NRXN1: variants seen among roughly 807,000 people sequenced by gnomAD.
The protein encoded by NRXN1 is neurexin 1.
Under a neutral mutation model 150.9 loss-of-function variants are expected in NRXN1, and 39 were observed. The observed-to-expected ratio is 0.26, with a 90% confidence interval of 0.20 to 0.34. NRXN1 has a LOEUF of 0.34. Among genes scored for constraint, NRXN1 ranks in the 10% least tolerant of loss-of-function variants. The pLI, the probability that NRXN1 is intolerant of heterozygous loss-of-function variation, is 1.00. For missense variants in NRXN1, 1,815 were observed against 1,949.9 expected (o/e 0.93, Z 1.30); for synonymous variants, 924 against 757.0 (o/e 1.22, Z -3.62).
At chr2:49,922,997 A>ATAGAT (rs944709374) in intron 22 of NRXN1, among the ~76,000 whole-genome samples, 15 of 152,166 alleles carry the variant, frequency 9.9e-5, no homozygotes, top group African/African-American at 3.4e-4. Context: ...GAACTACCTA[A>ATAGAT]TAGATTAGAT....
chr2:50,974,160 T>A (rs1316376155), intron 2 of NRXN1, among the ~76,000 whole-genome samples: 1 of 152,164 alleles, frequency 6.6e-6, no homozygotes, highest in Non-Finnish European at 1.5e-5. Context: ...AAACTGCCAT[T>A]TTTTCTCATG....
chr2:50,320,680 A>G (rs1213947500), intron 17 of NRXN1, among the ~76,000 whole-genome samples: 4 of 151,962 alleles, frequency 2.6e-5, no homozygotes, highest in Admixed American at 6.6e-5. Flanking sequence ...TATTTCTGGC[A>G]TTGGAAATCG....
Position 50,623,308 on chromosome 2 carries a change from T to C in NRXN1, c.1134+6A>G, listed in dbSNP as rs758040452. ...CCAGTTACTCTCTTATCCACTGCGC[T>C]GTTACCTGACGCAGATTCCTGGTGA... On this transcript the variant is annotated splice_donor_region_variant and intron_variant, in intron 6 of 22. Coordinates refer to ENST00000401669, the MANE Select transcript of NRXN1 (RefSeq NM_001330078.2). 7 of 1,610,508 alleles carry C rather than the reference T, an allele frequency of 4.3e-6. 1 individual carries two copies. Among genetic ancestry groups the C allele is most frequent in the African/African-American group, 1.3e-5 (1 of 74,812 alleles).
chr2:49,975,896 T>A (rs1296080172), intron 21 of NRXN1, among the ~76,000 whole-genome samples: 1 of 152,120 alleles, frequency 6.6e-6, no homozygotes, highest in African/African-American at 2.4e-5. Context: ...TGTCCTTATA[T>A]GAAGAGATTT....
At chr2:50,669,606 T>C (rs1426976590) in intron 5 of NRXN1, among the ~76,000 whole-genome samples, 1 of 151,772 alleles carries the variant, frequency 6.6e-6, no homozygotes, top group African/African-American at 2.4e-5. Flanking sequence ...ATCACTTGAA[T>C]AAAATACTAT....
chr2:50,378,488 G>A (rs1221998439), intron 17 of NRXN1, among the ~76,000 whole-genome samples: 2 of 152,112 alleles, frequency 1.3e-5, no homozygotes, highest in African/African-American at 4.8e-5. Context: ...AATTTCGGTT[G>A]CTTACCCTCG....
intron 19 of NRXN1, among the ~76,000 whole-genome samples, chr2:50,088,593 T>C (rs1323528807): frequency 6.6e-6 from 1 of 152,244 alleles, no homozygotes; most frequent in African/African-American, 2.4e-5. Flanking sequence ...GAAAGTTGTA[T>C]CTGAAATAAC....
intron 17 of NRXN1, among the ~76,000 whole-genome samples, chr2:50,370,016 C>A (rs1320553565): frequency 2.6e-5 from 4 of 151,996 alleles, no homozygotes; most frequent in Non-Finnish European, 4.4e-5. Flanking sequence ...GAAATTTACT[C>A]TATTTATTGA....
At chr2:50,591,529 T>C (rs1353262047) in intron 8 of NRXN1, among the ~76,000 whole-genome samples, 1 of 151,994 alleles carries the variant, frequency 6.6e-6, no homozygotes, top group African/African-American at 2.4e-5. Flanking sequence ...TGTAAAAAAA[T>C]GTGGGTCCCA....
chr2:50,159,984 C>G (rs2059263277), intron 18 of NRXN1, among the ~76,000 whole-genome samples: 1 of 152,036 alleles, frequency 6.6e-6, no homozygotes, highest in Non-Finnish European at 1.5e-5. Context: ...CAAAGATAAA[C>G]AACATTGTTT....
chr2:50,037,894 GT>G (rs1204136919), intron 21 of NRXN1, among the ~76,000 whole-genome samples: 1 of 152,062 alleles, frequency 6.6e-6, no homozygotes, highest in Non-Finnish European at 1.5e-5. Flanking sequence ...CCAATGCATT[GT>G]TTTTTTCATA....
intron 17 of NRXN1, among the ~76,000 whole-genome samples, chr2:50,451,786 C>T (rs541514619): frequency 1.9e-4 from 29 of 152,202 alleles, no homozygotes; most frequent in Admixed American, 1.3e-3. Flanking sequence ...ATCTTAAGTA[C>T]AGTTTTTGTA....
chr2:50,923,101 A>G (rs1388274793), intron 3 of NRXN1, among the ~76,000 whole-genome samples: 1 of 151,820 alleles, frequency 6.6e-6, no homozygotes, highest in Non-Finnish European at 1.5e-5. Flanking sequence ...TACATGAAAC[A>G]TGGGCTGGGT....
intron 2 of NRXN1, among the ~76,000 whole-genome samples, chr2:50,927,418 G>A (rs1687070078): frequency 6.6e-6 from 1 of 151,788 alleles, no homozygotes; most frequent in Non-Finnish European, 1.5e-5. Context: ...TATTTTTAAA[G>A]AAACAACAAA....
In NRXN1 at chr2:50,191,780, C is replaced by T. The variant is rs866295968; in HGVS notation, c.3546+45009G>A. Among the ~76,000 whole-genome samples the T allele has an allele frequency of 2.0e-4, 31 of 152,268 alleles. No individual in the cohort carries two copies. In the Middle Eastern group the frequency reaches 0.027, roughly 134 times the overall value. ...AATAGTTTATTCCTTTTTATTGTTG[C>T]ATAGTATTCCATGGCATACCATGTA... On this transcript the variant is annotated intron_variant, in intron 18 of 22. Coordinates refer to ENST00000401669, the MANE Select transcript of NRXN1 (RefSeq NM_001330078.2).
intron 17 of NRXN1, among the ~76,000 whole-genome samples, chr2:50,420,416 TACACAC>T (rs142091102): frequency 2.0e-5 from 3 of 149,806 alleles, no homozygotes; most frequent in South Asian, 2.1e-4. Flanking sequence ...CACACACACA[TACACAC>T]ACACACACAC....
Position 50,958,781 on chromosome 2 carries a change from C to G in NRXN1, c.773-32826G>C, listed in dbSNP as rs1057156055. On this transcript the variant is annotated intron_variant, in intron 2 of 22. Coordinates refer to ENST00000401669, the MANE Select transcript of NRXN1 (RefSeq NM_001330078.2). ...CATTCTTGTCTTGTTTCTGATTTAA[C>G]GGGAATGCAGTCAGCAATCATTCAG... 5.1e-4 allele frequency among the ~76,000 whole-genome samples: 78 copies of G among 152,050 alleles called. 2 individuals are homozygous for G. Among genetic ancestry groups the G allele is most frequent in the Non-Finnish European group, 2.2e-4 (15 of 67,982 alleles).
At chr2:50,518,885 T>G (rs1271341427) in intron 12 of NRXN1, among the ~76,000 whole-genome samples, 1 of 145,862 alleles carries the variant, frequency 6.9e-6, no homozygotes, top group Non-Finnish European at 1.5e-5. Flanking sequence ...AGTATAAACT[T>G]TTTCCAAAAG....
chr2:50,638,866 A>G (rs1683620989), intron 5 of NRXN1, among the ~76,000 whole-genome samples: 1 of 152,166 alleles, frequency 6.6e-6, no homozygotes, highest in Non-Finnish European at 1.5e-5. Flanking sequence ...AGTTAAAGAG[A>G]TCTTCCATTC....
Sources: gnomAD v4.1 joint callset for allele counts (sites outside exome capture counted in the v4.1 genomes callset) on GRCh38, gnomAD v4.1.1 for gene constraint, MANE v1.5 for transcripts, NCBI Gene and HGNC (gene_info 2026-07-23, HGNC 2026-07-21) for gene names.